The following BLTP3B variants were observed in gnomAD, a reference collection of about 807,000 sequenced individuals.
BLTP3B encodes the protein UHRF1 (ICBP90) binding protein 1-like.
the BLTP3B span, among the ~76,000 whole-genome samples, chr12:100,123,325 A>T: frequency 1.2e-4 from 19 of 152,294 alleles, no homozygotes; most frequent in African/African-American, 2.2e-4. Flanking sequence ...AAAACAATTT[A>T]AAAAAATGGT....
the BLTP3B span, chr12:100,057,822 A>C: frequency 5.7e-6 from 8 of 1,405,830 alleles, no homozygotes; most frequent in Non-Finnish European, 7.7e-6. Flanking sequence ...TAAGAGAATT[A>C]AAATATGTAT....
At chr12:100,094,529 T>G in the BLTP3B span, among the ~76,000 whole-genome samples, 2 of 152,186 alleles carry the variant, frequency 1.3e-5, no homozygotes, top group African/African-American at 4.8e-5. Context: ...TAGGAAATAG[T>G]AGGCAGGCAA....
At chr12:100,084,501 A>T in the BLTP3B span, 9 of 1,613,504 alleles carry the variant, frequency 5.6e-6, no homozygotes, top group Non-Finnish European at 7.6e-6. Flanking sequence ...GGGGAGAGGC[A>T]TGTGTTGGGG....
the BLTP3B span, among the ~76,000 whole-genome samples, chr12:100,110,365 T>C: frequency 6.6e-6 from 1 of 152,134 alleles, no homozygotes; most frequent in Admixed American, 6.5e-5. Flanking sequence ...TGAGCTGTAT[T>C]ACACTTGCTT....
the BLTP3B span, chr12:100,098,613 C>T: frequency 1.4e-6 from 2 of 1,461,630 alleles, no homozygotes; most frequent in Non-Finnish European, 9.1e-7. Flanking sequence ...AATATTTGCA[C>T]ATTTCTGGTT....
the BLTP3B span, among the ~76,000 whole-genome samples, chr12:100,121,429 T>C: frequency 6.6e-6 from 1 of 150,626 alleles, no homozygotes; most frequent in Non-Finnish European, 1.5e-5. Flanking sequence ...TGCCCAGGAA[T>C]GAGGCAGAAG....
At chr12:100,095,489 C>A in the BLTP3B span, among the ~76,000 whole-genome samples, 1 of 152,248 alleles carries the variant, frequency 6.6e-6, no homozygotes, top group East Asian at 1.9e-4. Context: ...AGAATAAACA[C>A]TAACAGATAT....
the BLTP3B span, among the ~76,000 whole-genome samples, chr12:100,068,885 G>A: frequency 6.6e-5 from 10 of 152,216 alleles, no homozygotes; most frequent in East Asian, 1.9e-4. Flanking sequence ...CTTCCACACC[G>A]CTGGTGGGAA....
At chr12:100,049,045 GGCAATAT>G in the BLTP3B span, among the ~76,000 whole-genome samples, 4 of 151,894 alleles carry the variant, frequency 2.6e-5, no homozygotes, top group Non-Finnish European at 2.9e-5. Context: ...ATGGGTAAGA[GGCAATAT>G]GCACATGGTA....
chr12:100,142,209 G>C, the BLTP3B span, among the ~76,000 whole-genome samples: 1 of 152,314 alleles, frequency 6.6e-6, no homozygotes, highest in African/African-American at 2.4e-5. Context: ...CACCGAACTC[G>C]AGTTAGAGCC....
the BLTP3B span, chr12:100,070,239 A>G: frequency 6.6e-7 from 1 of 1,516,016 alleles, no homozygotes; most frequent in African/African-American, 1.4e-5. Flanking sequence ...AGATTGTTGA[A>G]ACATGAAGAT....
chr12:100,075,820 T>C, the BLTP3B span, among the ~76,000 whole-genome samples: 1 of 152,168 alleles, frequency 6.6e-6, no homozygotes, highest in African/African-American at 2.4e-5. Context: ...TTAGTTAGAA[T>C]GGCTATTATT....
At chr12:100,049,701 G>T in the BLTP3B span, among the ~76,000 whole-genome samples, 3 of 152,042 alleles carry the variant, frequency 2.0e-5, no homozygotes, top group African/African-American at 7.2e-5. Flanking sequence ...GAAGGTAAAA[G>T]AAACAGCCAC....
chr12:100,107,289 C>CAAAAAA, the BLTP3B span, among the ~76,000 whole-genome samples: 14 of 35,296 alleles, frequency 4.0e-4, no homozygotes, highest in South Asian at 1.3e-3. Flanking sequence ...CTCCATCTCC[C>CAAAAAA]AAAAAAAAAA....
the BLTP3B span, among the ~76,000 whole-genome samples, chr12:100,040,306 G>C: frequency 6.6e-6 from 1 of 152,160 alleles, no homozygotes; most frequent in Non-Finnish European, 1.5e-5. Context: ...CTAGCTGGGA[G>C]AACTGCTTGA....
At chr12:100,070,994 GA>G in the BLTP3B span, among the ~76,000 whole-genome samples, 2 of 148,934 alleles carry the variant, frequency 1.3e-5, no homozygotes, top group South Asian at 2.1e-4. Flanking sequence ...ATCTGTCTCA[GA>G]AAAAAAAACA....
chr12:100,129,619 T>C, the BLTP3B span, among the ~76,000 whole-genome samples: 1 of 152,170 alleles, frequency 6.6e-6, no homozygotes, highest in African/African-American at 2.4e-5. Context: ...GGATATGCTT[T>C]AAGACCTAAA....
chr12:100,059,520 G>C, the BLTP3B span: 1 of 1,593,502 alleles, frequency 6.3e-7, no homozygotes, highest in Middle Eastern at 1.7e-4. Context: ...TTTCACTTCA[G>C]AAGGAATGAC....
chr12:100,129,245 A>G, the BLTP3B span, among the ~76,000 whole-genome samples: 2 of 152,128 alleles, frequency 1.3e-5, no homozygotes, highest in African/African-American at 4.8e-5. Context: ...CCATATCTAT[A>G]TACTCAAAAA....
Sources: gnomAD v4.1 joint callset for allele counts (sites outside exome capture counted in the v4.1 genomes callset) on GRCh38, gnomAD v4.1.1 for gene constraint, MANE v1.5 for transcripts, NCBI Gene and HGNC (gene_info 2026-07-23, HGNC 2026-07-21) for gene names.